The following PRKACA variants were observed in gnomAD, a reference collection of about 807,000 sequenced individuals.
The protein encoded by PRKACA is protein kinase cAMP-activated catalytic subunit alpha.
Under a neutral mutation model 45.8 loss-of-function variants are expected in PRKACA, and 9 were observed. That is an observed-to-expected ratio of 0.20 (90% CI 0.12 to 0.34). The LOEUF (loss-of-function observed/expected upper bound fraction) is 0.34, where lower values mean the gene tolerates loss of function less well. Ranked by LOEUF, PRKACA falls within the 10% of genes least tolerant of loss-of-function variation. The probability of loss-of-function intolerance (pLI) is 1.00; values close to 1 mark genes in which losing one functional copy is unlikely to be tolerated. For synonymous variants in PRKACA, 160 were observed against 178.6 expected (o/e 0.90, Z 0.83); for missense variants, 238 against 458.6 (o/e 0.52, Z 4.39).
intron 4 of PRKACA, among the ~76,000 whole-genome samples, chr19:14,101,848 C>T (rs1977452685): frequency 6.8e-6 from 1 of 146,726 alleles, no homozygotes; most frequent in African/African-American, 2.5e-5. Context: ...GCAACAACAG[C>T]CAAACTCTGT....
At position 14,091,789 on chromosome 19, in the gene PRKACA, T is replaced by TC. The variant is rs1977074637; in HGVS notation, c.*1322dup. The TC allele has an allele frequency of 6.6e-6, 1 of 152,324 alleles. No individual in the cohort carries two copies. The highest frequency in any genetic ancestry group is 1.5e-5 in the Non-Finnish European group (1 of 68,062). The allele number at this position is 152,324 out of a possible 1,614,324, so 9.4% of individuals were successfully genotyped here. On this transcript the variant is annotated 3_prime_UTR_variant, in exon 10 of 10. Transcript: ENST00000308677. ...CGTCCTTCGCAGCACACAGGTTGAA[T>TC]CGCCCCCGCACCCACCCGGGGCCCC...
chr19:14,109,993 TATATATAC>T (rs1452648957), intron 1 of PRKACA, among the ~76,000 whole-genome samples: 1 of 78,918 alleles, frequency 1.3e-5, no homozygotes, highest in African/African-American at 7.1e-5. Context: ...TATATATATA[TATATATAC>T]ACACACACAC....
intron 1 of PRKACA, among the ~76,000 whole-genome samples, chr19:14,116,915 T>G (rs1967118938): frequency 6.9e-6 from 1 of 144,638 alleles, no homozygotes; most frequent in African/African-American, 2.6e-5. Context: ...AAAAAAATAA[T>G]GCTGGAGGTG....
chr19:14,092,435 C>G lies in PRKACA; in HGVS notation c.*677G>C, dbSNP rs1044959543. On this transcript the variant is annotated 3_prime_UTR_variant, in exon 10 of 10. Transcript: ENST00000308677. ...AGATTAGCAGCGGGGAGGTTCAAACCCCAGCGCCTCCCTTTCCAAAGTCAG... is the reference window on the plus strand; with the variant it reads ...AGATTAGCAGCGGGGAGGTTCAAACGCCAGCGCCTCCCTTTCCAAAGTCAG... The G allele has an allele frequency of 2.6e-6, 1 of 391,382 alleles. No homozygotes were observed. The highest frequency in any genetic ancestry group is 2.1e-5 in the African/African-American group (1 of 48,376). The allele number at this position is 391,382 out of a possible 1,614,324, so 24.2% of individuals were successfully genotyped here. A position where few individuals can be genotyped will look rare whatever the true frequency, so the allele number is the denominator to read the frequency against.
chr19:14,098,715 C>T (rs926582797), intron 5 of PRKACA, among the ~76,000 whole-genome samples: 1 of 149,302 alleles, frequency 6.7e-6, no homozygotes, highest in Non-Finnish European at 1.5e-5. Context: ...AGGCTGGTCT[C>T]GAACTCCTGA....
At chr19:14,112,113 T>C (rs1966981656) in intron 1 of PRKACA, 1 of 152,300 alleles carries the variant, frequency 6.6e-6, no homozygotes, top group Admixed American at 6.5e-5. Flanking sequence ...CCACTAGCCC[T>C]GTTAGCTTGT....
At position 14,097,236 on chromosome 19, in the gene PRKACA, A is replaced by T; in HGVS notation, c.765+125T>A. ...TGTGGCCGGCGCGTCCAGCTTCACCACCTGGCCTGACTTAAGGAACTTCTA... is the reference window on the plus strand; with the variant it reads ...TGTGGCCGGCGCGTCCAGCTTCACCTCCTGGCCTGACTTAAGGAACTTCTA... On this transcript the variant is annotated intron_variant, in intron 8 of 9. Coordinates refer to ENST00000308677, the MANE Select transcript of PRKACA (RefSeq NM_002730.4). This position sits in a 1 kb window ranked among gnomAD's most constrained non-coding sequence, Gnocchi z 5.4. The T allele has an allele frequency of 6.7e-7, 1 of 1,487,066 alleles. No homozygotes were observed. Among genetic ancestry groups the T allele is most frequent in the African/African-American group, 1.4e-5 (1 of 72,234 alleles). 92.1% of individuals were successfully genotyped at this position (1,487,066 alleles called of 1,614,324 possible).
chr19:14,109,965 AATATATATAT>A (rs1188333013), intron 1 of PRKACA, among the ~76,000 whole-genome samples: 54 of 23,758 alleles, frequency 2.3e-3, no homozygotes, highest in African/African-American at 4.6e-3. Flanking sequence ...AAAAAAAAAA[AATATATATAT>A]ATATATATAT....
At chr19:14,095,136 CT>C (rs981920604) in intron 8 of PRKACA, among the ~76,000 whole-genome samples, 9 of 150,958 alleles carry the variant, frequency 6.0e-5, no homozygotes, top group African/African-American at 2.2e-4. Flanking sequence ...TTTTTTCTTT[CT>C]TTTTTTTCCC....
chr19:14,112,370 T>A (rs1328618154), intron 1 of PRKACA: 1 of 151,966 alleles, frequency 6.6e-6, no homozygotes, highest in Non-Finnish European at 1.5e-5. Flanking sequence ...GCGGTGCAGG[T>A]AGCCCAGGAA....
At chr19:14,109,836 G>A (rs1255833230) in intron 1 of PRKACA, among the ~76,000 whole-genome samples, 18 of 145,808 alleles carry the variant, frequency 1.2e-4, no homozygotes, top group Non-Finnish European at 2.7e-4. Flanking sequence ...TATTTGGGAG[G>A]CTGGGGCAGG....
At chr19:14,117,459 G>A (rs957727993) in intron 1 of PRKACA, 43 bp downstream of exon 1, 3 of 1,258,420 alleles carry the variant, frequency 2.4e-6, no homozygotes, top group Non-Finnish European at 3.0e-6. Flanking sequence ...GGCCAGGGCT[G>A]GCAGCGCAGG....
intron 4 of PRKACA, among the ~76,000 whole-genome samples, chr19:14,102,049 C>T (rs771990576): frequency 2.8e-5 from 4 of 143,396 alleles, no homozygotes; most frequent in East Asian, 2.1e-4. Flanking sequence ...CTGTAATCCC[C>T]GCTACTCAGG....
Position 14,109,965 on chromosome 19 carries a change from AATATATATATATATATATAT to A in PRKACA, c.47-2576_47-2557del, listed in dbSNP as rs1188333013. 6.3e-4 allele frequency among the ~76,000 whole-genome samples: 15 copies of A among 23,770 alleles called. 1 individual carries two copies. Among genetic ancestry groups the A allele is most frequent in the Admixed American group, 6.0e-3 (7 of 1,162 alleles). The allele number at this position is 23,770 out of a possible 152,430, so 15.6% of individuals were successfully genotyped here. A position where few individuals can be genotyped will look rare whatever the true frequency, so the allele number is the denominator to read the frequency against. The stretch of plus-strand genomic sequence containing the variant: ...AAAAAAAAAAAAAAAAAAAAAAAAA[AATATATATATATATATATAT>A]ATATATATATATATACACACACACA... On this transcript the variant is annotated intron_variant, in intron 1 of 9. Coordinates refer to ENST00000308677, the MANE Select transcript of PRKACA (RefSeq NM_002730.4).
At chr19:14,114,354 T>C (rs1450871044) in intron 1 of PRKACA, among the ~76,000 whole-genome samples, 1 of 152,190 alleles carries the variant, frequency 6.6e-6, no homozygotes, top group Non-Finnish European at 1.5e-5. Flanking sequence ...TCCGAGTTTC[T>C]GTAGACGCGG....
chr19:14,113,507 T>C (rs1337712073), intron 1 of PRKACA, among the ~76,000 whole-genome samples: 2 of 152,108 alleles, frequency 1.3e-5, no homozygotes, highest in Admixed American at 6.5e-5. Context: ...AGCAGAAATC[T>C]AGAAACTCGC....
intron 1 of PRKACA, chr19:14,114,216 C>A: frequency 6.3e-7 from 1 of 1,589,920 alleles, no homozygotes; most frequent in Non-Finnish European, 8.6e-7. Context: ...ATGAGACCTG[C>A]CGTGTCTGTT....
intron 8 of PRKACA, among the ~76,000 whole-genome samples, chr19:14,095,730 C>G (rs1168285227): frequency 6.6e-6 from 1 of 151,922 alleles, no homozygotes; most frequent in Non-Finnish European, 1.5e-5. Flanking sequence ...GTTAGCCAGG[C>G]TGGTCTTGAA....
At chr19:14,096,145 T>A (rs1977250176) in intron 8 of PRKACA, among the ~76,000 whole-genome samples, 1 of 149,408 alleles carries the variant, frequency 6.7e-6, no homozygotes, top group Non-Finnish European at 1.5e-5. Flanking sequence ...TTCAAGTGAT[T>A]CTCCTGCCTC....
Sources: gnomAD v4.1 joint callset for allele counts (sites outside exome capture counted in the v4.1 genomes callset) on GRCh38, gnomAD v4.1.1 for gene constraint, Gnocchi (gnomAD v3.1) non-coding constraint, MANE v1.5 for transcripts, NCBI Gene and HGNC (gene_info 2026-07-23, HGNC 2026-07-21) for gene names.